PSKH1: variants seen among roughly 807,000 people sequenced by gnomAD.
PSKH1 encodes the protein serine/threonine-protein kinase H1.
In PSKH1, 12 loss-of-function variants were observed where a neutral mutation model predicts 26.7. The ratio of observed to expected loss-of-function variants is 0.45; its 90% CI spans 0.29 to 0.73. PSKH1 has a LOEUF of 0.73. Among genes scored for constraint, PSKH1 ranks in the 30% least tolerant of loss-of-function variants. The pLI, the probability that PSKH1 is intolerant of heterozygous loss-of-function variation, is 0.11. For synonymous variants in PSKH1, 213 were observed against 234.3 expected, an observed-to-expected ratio of 0.91 and a Z score of 0.83; for missense variants, 431 against 595.2, an observed-to-expected ratio of 0.72 and a Z score of 2.87.
At position 67,928,306 on chromosome 16, in the gene PSKH1, T is replaced by C; in HGVS notation, c.*664T>C. On this transcript the variant is annotated 3_prime_UTR_variant, in exon 3 of 3. Coordinates refer to ENST00000291041, the MANE Select transcript of PSKH1 (RefSeq NM_006742.3). The surrounding 1 kb of genome is among the most constrained non-coding windows in gnomAD (Gnocchi z 4.8). ...GCCATGGCGTGGACCTTCACCCTTC[T>C]GGACTGTGTGGCCATGCTGGTCATC... The C allele has an allele frequency of 6.5e-6, 1 of 152,870 alleles. No homozygotes were observed. The highest frequency in any genetic ancestry group is 1.9e-4 in the East Asian group (1 of 5,186). 9.5% of individuals were successfully genotyped at this position (152,870 alleles called of 1,614,324 possible).
rs1598189873 is a variant in PSKH1, at chr16:67,909,984, G to A, written c.957+278G>A. 2 of 553,972 alleles carry A rather than the reference G, an allele frequency of 3.6e-6. No individual in the cohort carries two copies. The highest frequency in any genetic ancestry group is 5.6e-5 in the East Asian group (2 of 35,798). The allele number at this position is 553,972 out of a possible 1,614,324, so 34.3% of individuals were successfully genotyped here. On this transcript the variant is annotated intron_variant, in intron 2 of 2. Transcript: ENST00000291041. The surrounding 1 kb of genome is among the most constrained non-coding windows in gnomAD (Gnocchi z 7.8). ...AGTGAGGCAGGAAGGGAGAAAGTCAGTAGAGTATATTGAGAAATGGACTGC... is the reference window on the plus strand; with the variant it reads ...AGTGAGGCAGGAAGGGAGAAAGTCAATAGAGTATATTGAGAAATGGACTGC...
rs139812348 is a variant in PSKH1 at position 67,907,353 on chromosome 16, C to T, written c.-70-1327C>T. Reference sequence around the variant, plus strand: ...TCAGCTCACAGCAACCTCTGCCTCCCGGGTTCAAGCAATTCTTCTGCCTCA... The same window carrying T: ...TCAGCTCACAGCAACCTCTGCCTCCTGGGTTCAAGCAATTCTTCTGCCTCA... On this transcript the variant is annotated intron_variant, in intron 1 of 2. Coordinates refer to ENST00000291041, the MANE Select transcript of PSKH1 (RefSeq NM_006742.3). Among the ~76,000 whole-genome samples the T allele has an allele frequency of 5.0e-3, 754 of 151,916 alleles. 3 individuals are homozygous for T. Among genetic ancestry groups the T allele is most frequent in the African/African-American group, 0.017 (700 of 41,404 alleles).
At chr16:67,922,776 G>A (rs780895815) in intron 2 of PSKH1, among the ~76,000 whole-genome samples, 6 of 152,154 alleles carry the variant, frequency 3.9e-5, no homozygotes, top group Non-Finnish European at 5.9e-5. Flanking sequence ...ACCCTTTAAC[G>A]TATCCCAGAT....
chr16:67,928,076 T>G lies in PSKH1; in HGVS notation c.*434T>G, dbSNP rs1598195684. On this transcript the variant is annotated 3_prime_UTR_variant, in exon 3 of 3. Transcript: ENST00000291041. This position sits in a 1 kb window ranked among gnomAD's most constrained non-coding sequence, Gnocchi z 4.8. ...GGACCCCCTTTCCTCCACAGAGCCC[T>G]TCTCCCTGGTTTCACACATTCCCAT... The G allele has an allele frequency of 5.9e-6, 1 of 168,630 alleles. No individual in the cohort carries two copies. The highest frequency in any genetic ancestry group is 1.7e-4 in the South Asian group (1 of 5,868). 10.4% of individuals were successfully genotyped at this position (168,630 alleles called of 1,614,324 possible).
intron 1 of PSKH1, among the ~76,000 whole-genome samples, chr16:67,899,419 T>C (rs2058135830): frequency 6.9e-6 from 1 of 144,964 alleles, no homozygotes; most frequent in South Asian, 2.2e-4. Context: ...CACTGCAAGC[T>C]CCTTCTCCCG....
In PSKH1 at chr16:67,909,751, C is replaced by T. The variant is rs200126921; in HGVS notation, c.957+45C>T. The T allele has an allele frequency of 1.2e-4, 182 of 1,549,920 alleles. 2 individuals carry two copies. In the East Asian group the frequency reaches 2.4e-3, roughly 20 times the overall value. ...GTCCTGGATGTTGGGGAGGCACCTG[C>T]GGGGGCAGGTATATCCTGCAGCTCT... is the stretch of plus-strand genomic sequence containing the variant. On this transcript the variant is annotated intron_variant, in intron 2 of 2. Coordinates refer to ENST00000291041, the MANE Select transcript of PSKH1 (RefSeq NM_006742.3). This position sits in a 1 kb window ranked among gnomAD's most constrained non-coding sequence, Gnocchi z 7.8.
At chr16:67,904,436 C>A (rs1471261518) in intron 1 of PSKH1, among the ~76,000 whole-genome samples, 2 of 152,002 alleles carry the variant, frequency 1.3e-5, no homozygotes, top group Admixed American at 1.3e-4. Context: ...GAACTCCTGA[C>A]CTTGTGATCC....
intron 1 of PSKH1, among the ~76,000 whole-genome samples, chr16:67,900,556 T>C (rs548547046): frequency 1.3e-5 from 2 of 152,238 alleles, no homozygotes; most frequent in South Asian, 2.1e-4. Flanking sequence ...TCCGGAGTGA[T>C]AGAAGGAGCC....
At position 67,909,135 on chromosome 16, in the gene PSKH1, T is replaced by C. The variant is rs1338789283; in HGVS notation, c.386T>C (p.Ile129Thr). 1 of 1,614,078 alleles carries C rather than the reference T, an allele frequency of 6.2e-7. No individual in the cohort carries two copies. Among genetic ancestry groups the C allele is most frequent in the South Asian group, 1.1e-5 (1 of 91,072 alleles). The change falls in exon 2 of 3, where the codon ATT becomes ACT. Residue 129 changes from isoleucine to threonine, a missense_variant. By Grantham distance (89) the Ile-to-Thr change is moderately conservative. Coordinates refer to ENST00000291041, the MANE Select transcript of PSKH1 (RefSeq NM_006742.3). This position sits in a 1 kb window ranked among gnomAD's most constrained non-coding sequence, Gnocchi z 7.8. ...CGGCAGCCGTATGCCATCAAGATGA[T>C]TGAGACCAAGTACCGGGAGGGGCGG... ...ATRQPYAIKMIETKYREGREV... is the reference protein window; with the variant it reads ...ATRQPYAIKMTETKYREGREV...
At position 67,927,615 on chromosome 16, in the gene PSKH1, G is replaced by C; in HGVS notation, c.1248G>C (p.Leu416=). Reference sequence around the variant, plus strand: ...AACGGGAGCTGCGGGAGCTCAACCTGCGCTACCAGCAGCAATACAATGGCT... The same window carrying C: ...AACGGGAGCTGCGGGAGCTCAACCTCCGCTACCAGCAGCAATACAATGGCT... ...VRERELRELN[L]RYQQQYNG is the part of the protein sequence containing the mutation. The change falls in exon 3 of 3, where the codon CTG becomes CTC. Residue 416 remains leucine (L), a synonymous_variant. Transcript: ENST00000291041. This position sits in a 1 kb window ranked among gnomAD's most constrained non-coding sequence, Gnocchi z 5.5. 1 of 1,608,564 alleles carries C rather than the reference G, an allele frequency of 6.2e-7. No homozygotes were observed.
intron 2 of PSKH1, among the ~76,000 whole-genome samples, chr16:67,920,916 A>C (rs1012659393): frequency 2.6e-5 from 4 of 151,946 alleles, no homozygotes. Flanking sequence ...CAGAGACTGC[A>C]GTGTGGATGA....
rs149974690 is a variant in PSKH1, at chr16:67,909,175, G to A, written c.426G>A (p.Ser142=). Residue 142 remains serine, a synonymous_variant, in exon 2 of 3, where the codon TCG becomes TCA. Transcript: ENST00000291041. The surrounding 1 kb of genome is among the most constrained non-coding windows in gnomAD (Gnocchi z 7.8). The part of the protein sequence containing the change: ...KYREGREVCE[S]ELRVLRRVRH... ...GGGAGGGGCGGGAGGTGTGTGAGTC[G>A]GAGCTGCGTGTGCTGCGTCGGGTGC... 3.9e-4 allele frequency: 628 copies of A among 1,614,112 alleles called. No homozygotes were observed. Among genetic ancestry groups the A allele is most frequent in the Non-Finnish European group, 4.5e-4 (527 of 1,180,022 alleles).
chr16:67,914,502 T>C (rs1432828224), intron 2 of PSKH1, among the ~76,000 whole-genome samples: 1 of 150,710 alleles, frequency 6.6e-6, no homozygotes, highest in Non-Finnish European at 1.5e-5. Context: ...TCGCCCAGGC[T>C]GGAGTGCAGT....
rs2058219850 is a variant in PSKH1, at chr16:67,927,282, A to C, written c.958-43A>C. ...GTGGCCTCATCCAGATGGGGTGGGC[A>C]GTGTCAGATGCTCTCACTCTAATGC... On this transcript the variant is annotated intron_variant, in intron 2 of 2. Transcript: ENST00000291041. This position sits in a 1 kb window ranked among gnomAD's most constrained non-coding sequence, Gnocchi z 5.5. 6.5e-7 allele frequency: 1 copy of C among 1,548,196 alleles called. No homozygotes were observed. Among genetic ancestry groups the C allele is most frequent in the Non-Finnish European group, 8.8e-7 (1 of 1,138,858 alleles).
At chr16:67,902,916 G>A (rs1178129793) in intron 1 of PSKH1, 1 of 152,100 alleles carries the variant, frequency 6.6e-6, no homozygotes, top group Non-Finnish European at 1.5e-5. Flanking sequence ...GAGGTGTTGT[G>A]TTTTCCCTGA....
intron 1 of PSKH1, among the ~76,000 whole-genome samples, chr16:67,906,364 G>C (rs141231719): frequency 1.4e-5 from 2 of 146,628 alleles, no homozygotes; most frequent in Non-Finnish European, 3.0e-5. Context: ...GAGCCTCCGC[G>C]CCCAGCCTTT....
At chr16:67,918,920 G>T (rs2151314203) in intron 2 of PSKH1, among the ~76,000 whole-genome samples, 1 of 152,276 alleles carries the variant, frequency 6.6e-6, no homozygotes, top group Non-Finnish European at 1.5e-5. Context: ...ACTCTAACAT[G>T]CCTTGGGATG....
Position 67,908,687 on chromosome 16 carries a change from C to T in PSKH1, c.-63C>T, listed in dbSNP as rs568068529. ...TTCTCTCTTTGTGTGTAGGTGTAGA[C>T]GGGGCACTGCCTTCAGAGCAGGTCC... On this transcript the variant is annotated 5_prime_UTR_variant, in exon 2 of 3. It adds an upstream start codon to the 5' untranslated region. Transcript: ENST00000291041. 238 of 1,393,032 alleles carry T rather than the reference C, an allele frequency of 1.7e-4. No homozygotes were observed. Among genetic ancestry groups the T allele is most frequent in the African/African-American group, 1.5e-3 (106 of 69,648 alleles). 86.3% of individuals were successfully genotyped at this position (1,393,032 alleles called of 1,614,324 possible). A position where few individuals can be genotyped will look rare whatever the true frequency, so the allele number is the denominator to read the frequency against.
intron 2 of PSKH1, among the ~76,000 whole-genome samples, chr16:67,925,603 G>A (rs1675311320): frequency 6.6e-6 from 1 of 152,086 alleles, no homozygotes; most frequent in Non-Finnish European, 1.5e-5. Flanking sequence ...GCATCTATGG[G>A]CCTTCGTTGG....
Sources: allele counts gnomAD v4.1 joint callset (sites outside exome capture counted in the v4.1 genomes callset), GRCh38; gene constraint gnomAD v4.1.1; non-coding constraint Gnocchi (gnomAD v3.1); transcripts MANE v1.5; gene names NCBI Gene and HGNC (gene_info 2026-07-23, HGNC 2026-07-21).